Variants in SLIT3 observed in about 807,000 individuals in gnomAD.
SLIT3 encodes the protein slit guidance ligand 3, also known as slit homolog 3 protein.
Under a neutral mutation model 184.0 loss-of-function variants are expected in SLIT3, and 68 were observed. That is an observed-to-expected ratio of 0.37 (90% confidence interval 0.30 to 0.45). The LOEUF is 0.45. Ranked by LOEUF, SLIT3 falls within the 20% of genes least tolerant of loss-of-function variation. The probability of loss-of-function intolerance (pLI) is 1.00; values close to 1 mark genes in which losing one functional copy is unlikely to be tolerated. For missense variants in SLIT3, 1,707 were observed against 2,026.0 expected (o/e 0.84, Z 3.02); for synonymous variants, 831 against 828.6 (o/e 1.00, Z -0.05).
chr5:168,873,751 G>A (rs981217127), intron 5 of SLIT3, among the ~76,000 whole-genome samples: 4 of 151,934 alleles, frequency 2.6e-5, no homozygotes, highest in Non-Finnish European at 4.4e-5. Flanking sequence ...CTATTTTATA[G>A]ACTAAGAGTT....
At chr5:168,969,107 A>G (rs1224171065) in intron 4 of SLIT3, among the ~76,000 whole-genome samples, 1 of 152,216 alleles carries the variant, frequency 6.6e-6, no homozygotes, top group Non-Finnish European at 1.5e-5. Context: ...ATTTTGATGT[A>G]GAGTCATTCT....
At chr5:169,251,829 G>A (rs1765783990) in intron 1 of SLIT3, among the ~76,000 whole-genome samples, 1 of 152,134 alleles carries the variant, frequency 6.6e-6, no homozygotes. Context: ...AGTATCTTCA[G>A]TTTTCCTGAC....
At position 168,844,666 on chromosome 5, in the gene SLIT3, G is replaced by A; in HGVS notation, c.486-11C>T. Reference sequence around the variant, plus strand: ...TTGTTGTCCAGTTGCCTGTGGAAAAGCAGGGGAGAGCATGAAGGCTGAGCG... The same window carrying A: ...TTGTTGTCCAGTTGCCTGTGGAAAAACAGGGGAGAGCATGAAGGCTGAGCG... On this transcript the variant is annotated splice_polypyrimidine_tract_variant and intron_variant, in intron 5 of 35. Transcript: ENST00000519560. The A allele has an allele frequency of 6.2e-7, 1 of 1,613,944 alleles. No individual in the cohort carries two copies. The highest frequency in any genetic ancestry group is 1.1e-5 in the South Asian group (1 of 91,088).
At chr5:169,064,781 G>T (rs1427688232) in intron 4 of SLIT3, among the ~76,000 whole-genome samples, 1 of 152,168 alleles carries the variant, frequency 6.6e-6, no homozygotes, top group African/African-American at 2.4e-5. Flanking sequence ...CTAGGGATTT[G>T]CTGTTGATGA....
intron 23 of SLIT3, among the ~76,000 whole-genome samples, chr5:168,714,449 G>A (rs1230381529): frequency 6.6e-6 from 1 of 152,120 alleles, no homozygotes; most frequent in Non-Finnish European, 1.5e-5. Flanking sequence ...CGAGTGTGGT[G>A]GTGGGCGCCT....
chr5:169,271,036 A>C (rs1766589765), intron 1 of SLIT3, among the ~76,000 whole-genome samples: 1 of 152,168 alleles, frequency 6.6e-6, no homozygotes, highest in African/African-American at 2.4e-5. Context: ...TCCAGGGGGC[A>C]TCGTTCAACA....
intron 4 of SLIT3, among the ~76,000 whole-genome samples, chr5:169,173,336 T>C (rs1328510948): frequency 6.6e-6 from 1 of 152,070 alleles, no homozygotes; most frequent in Non-Finnish European, 1.5e-5. Context: ...TTAGAAGGCA[T>C]AAAGATGCAG....
At chr5:169,218,106 T>C (rs1174687921) in intron 3 of SLIT3, among the ~76,000 whole-genome samples, 1 of 152,194 alleles carries the variant, frequency 6.6e-6, no homozygotes, top group Non-Finnish European at 1.5e-5. Context: ...TGGACTTCCT[T>C]GAAGATATTT....
intron 5 of SLIT3, among the ~76,000 whole-genome samples, chr5:168,879,393 A>G (rs1228340528): frequency 6.6e-6 from 1 of 152,242 alleles, no homozygotes; most frequent in African/African-American, 2.4e-5. Context: ...GAGGACTGGT[A>G]GGAGGAGGAG....
chr5:168,971,467 T>C (rs1274931733), intron 4 of SLIT3, among the ~76,000 whole-genome samples: 3 of 152,190 alleles, frequency 2.0e-5, no homozygotes, highest in Non-Finnish European at 2.9e-5. Flanking sequence ...GTACCTAGTA[T>C]AAACTGAAAT....
At chr5:169,288,852 G>A (rs1323835594) in intron 1 of SLIT3, among the ~76,000 whole-genome samples, 1 of 152,196 alleles carries the variant, frequency 6.6e-6, no homozygotes, top group Non-Finnish European at 1.5e-5. Context: ...ACTGGAACAA[G>A]AGTTTGAAGA....
chr5:168,889,806 C>A (rs1760373932), intron 4 of SLIT3, among the ~76,000 whole-genome samples: 1 of 152,144 alleles, frequency 6.6e-6, no homozygotes, highest in African/African-American at 2.4e-5. Context: ...AAGAAATAGA[C>A]CCCCTTACTT....
At chr5:169,237,356 A>G (rs966011587) in intron 3 of SLIT3, among the ~76,000 whole-genome samples, 2 of 152,168 alleles carry the variant, frequency 1.3e-5, no homozygotes, top group East Asian at 1.9e-4. Context: ...GCATAGTTTT[A>G]CCATCCTAAA....
chr5:169,182,339 TATC>T (rs1388456099), intron 4 of SLIT3, among the ~76,000 whole-genome samples: 1 of 152,260 alleles, frequency 6.6e-6, no homozygotes, highest in Non-Finnish European at 1.5e-5. Flanking sequence ...AGTGCTGTGT[TATC>T]ATAGCTTTGC....
intron 4 of SLIT3, among the ~76,000 whole-genome samples, chr5:169,089,393 G>A (rs943708888): frequency 1.3e-5 from 2 of 152,098 alleles, no homozygotes; most frequent in African/African-American, 4.8e-5. Context: ...AAAGAAAACC[G>A]GCTGCTCAAA....
intron 4 of SLIT3, among the ~76,000 whole-genome samples, chr5:168,972,066 G>A (rs1581257751): frequency 6.6e-6 from 1 of 152,358 alleles, no homozygotes; most frequent in Admixed American, 6.5e-5. Context: ...GGGCTGCGAG[G>A]AAGGTCCCTC....
At chr5:169,097,027 G>C (rs1759812274) in intron 4 of SLIT3, among the ~76,000 whole-genome samples, 1 of 152,164 alleles carries the variant, frequency 6.6e-6, no homozygotes, top group South Asian at 2.1e-4. Flanking sequence ...AGATGGTTCT[G>C]GTGGACCATT....
chr5:168,928,798 AT>A (rs1334630507), intron 4 of SLIT3, among the ~76,000 whole-genome samples: 1 of 152,146 alleles, frequency 6.6e-6, no homozygotes, highest in Non-Finnish European at 1.5e-5. Flanking sequence ...TATTTCTCCC[AT>A]TTTCATGATA....
At chr5:169,047,836 C>T (rs1304735642) in intron 4 of SLIT3, among the ~76,000 whole-genome samples, 2 of 152,030 alleles carry the variant, frequency 1.3e-5, no homozygotes, top group Non-Finnish European at 2.9e-5. Context: ...GGTCCTTAGC[C>T]CGTTTTCCTG....
Sources: allele counts gnomAD v4.1 joint callset (sites outside exome capture counted in the v4.1 genomes callset), GRCh38; gene constraint gnomAD v4.1.1; transcripts MANE v1.5; gene names NCBI Gene and HGNC (gene_info 2026-07-23, HGNC 2026-07-21).